KDM4C: variants seen among roughly 807,000 people sequenced by gnomAD.
KDM4C encodes the protein lysine demethylase 4C, also known as lysine-specific demethylase 4C.
In KDM4C, 81 loss-of-function variants were observed where a neutral mutation model predicts 129.3. The ratio of observed to expected loss-of-function variants is 0.63; its 90% CI spans 0.52 to 0.75. KDM4C has a LOEUF of 0.75. KDM4C is among the 30% of genes least tolerant of loss of function. The pLI is 0.00. For synonymous variants in KDM4C, 573 were observed against 456.1 expected (o/e 1.26, Z -3.26); for missense variants, 1,457 against 1,304.0 (o/e 1.12, Z -1.81).
rs1233792504 is a variant in KDM4C at position 7,013,926 on chromosome 9, C to G, written c.2107C>G (p.Pro703Ala). 1.2e-6 allele frequency: 2 copies of G among 1,613,978 alleles called. No homozygotes were observed. The highest frequency in any genetic ancestry group is 1.1e-5 in the South Asian group (1 of 91,074). ...YSEENIEYSPPNAFLEEDGTS... is the reference protein window; with the variant it reads ...YSEENIEYSPANAFLEEDGTS... ...TGAAGAAAATATAGAATATTCTCCACCCAATGCCTTCCTTGAAGAGGATGG... is the reference window on the plus strand; with the variant it reads ...TGAAGAAAATATAGAATATTCTCCAGCCAATGCCTTCCTTGAAGAGGATGG... The change falls in exon 14 of 22, where the codon CCC (proline) becomes GCC (alanine). Residue 703 changes from proline (P) to alanine (A), a missense_variant. By Grantham distance (27) the Pro-to-Ala change is conservative. Transcript: ENST00000381309.
At chr9:6,843,925 A>G (rs1837413697) in intron 4 of KDM4C, among the ~76,000 whole-genome samples, 1 of 151,998 alleles carries the variant, frequency 6.6e-6, no homozygotes, top group Non-Finnish European at 1.5e-5. Context: ...ATCATGACTC[A>G]CTGCAACCTC....
At chr9:6,945,473 T>A (rs1826794192) in intron 8 of KDM4C, among the ~76,000 whole-genome samples, 2 of 152,196 alleles carry the variant, frequency 1.3e-5, no homozygotes, top group Admixed American at 1.3e-4. Context: ...AATGTTTGTA[T>A]CTTGAACTCA....
At chr9:7,070,809 A>C (rs575601901) in intron 17 of KDM4C, among the ~76,000 whole-genome samples, 4 of 152,312 alleles carry the variant, frequency 2.6e-5, no homozygotes, top group Non-Finnish European at 5.9e-5. Context: ...TAATGAATTC[A>C]GTTCCCATCA....
At chr9:6,950,054 T>C (rs1827845273) in intron 8 of KDM4C, among the ~76,000 whole-genome samples, 2 of 144,634 alleles carry the variant, frequency 1.4e-5, no homozygotes, top group Admixed American at 1.4e-4. Context: ...TTTTTTTTTT[T>C]TTTTGGTGGA....
intron 8 of KDM4C, among the ~76,000 whole-genome samples, chr9:6,927,094 TCTATCTATCTATCTATCTA>T (rs1563826628): frequency 3.6e-4 from 28 of 78,850 alleles, no homozygotes; most frequent in Non-Finnish European, 6.4e-4. Flanking sequence ...AAATTTTCTA[TCTATCTATCTATCTATCTA>T]TCTATCTATC....
intron 8 of KDM4C, among the ~76,000 whole-genome samples, chr9:6,939,631 T>C (rs898786414): frequency 6.6e-6 from 1 of 152,160 alleles, no homozygotes; most frequent in Non-Finnish European, 1.5e-5. Context: ...TTTGTTACAG[T>C]GGTTATGGTT....
chr9:7,012,040 T>A (rs1338732154), intron 13 of KDM4C, among the ~76,000 whole-genome samples, 161 bp downstream of exon 13: 1 of 152,202 alleles, frequency 6.6e-6, no homozygotes, highest in South Asian at 2.1e-4. Context: ...AGTTTCTACA[T>A]GATCCTTGAG....
At chr9:7,038,331 C>G (rs1827997465) in intron 15 of KDM4C, among the ~76,000 whole-genome samples, 1 of 152,018 alleles carries the variant, frequency 6.6e-6, no homozygotes, top group Non-Finnish European at 1.5e-5. Context: ...ACTACTTAAG[C>G]TGTTTTGTCA....
rs757869445 is a variant in KDM4C at position 6,792,968 on chromosome 9, C to G, written c.-17-4C>G. The G allele has an allele frequency of 7.4e-6, 12 of 1,613,874 alleles. No homozygotes were observed. In the Admixed American group the frequency reaches 1.7e-4, roughly 22 times the overall value. On this transcript the variant is annotated splice_polypyrimidine_tract_variant and splice_region_variant and intron_variant, in intron 1 of 21. Transcript: ENST00000381309. Reference sequence around the variant, plus strand: ...TTCTGTTGACCCTACTGTCTTCTCTCCAGACACTGCCCTAACCATCATGGA... The same window carrying G: ...TTCTGTTGACCCTACTGTCTTCTCTGCAGACACTGCCCTAACCATCATGGA...
At chr9:6,840,707 A>G (rs1225032165) in intron 4 of KDM4C, among the ~76,000 whole-genome samples, 1 of 152,068 alleles carries the variant, frequency 6.6e-6, no homozygotes, top group Non-Finnish European at 1.5e-5. Context: ...CTCTGTTCTA[A>G]TTTTCAAATA....
intron 5 of KDM4C, among the ~76,000 whole-genome samples, chr9:6,851,583 T>C (rs1474993031): frequency 6.6e-6 from 1 of 152,232 alleles, no homozygotes; most frequent in Non-Finnish European, 1.5e-5. Context: ...TATGTCTTGC[T>C]TAAGAAATCT....
At chr9:7,018,894 T>C (rs1247306692) in intron 15 of KDM4C, among the ~76,000 whole-genome samples, 1 of 152,362 alleles carries the variant, frequency 6.6e-6, no homozygotes. Flanking sequence ...TGTATTTTAA[T>C]ATTGAAACTA....
At chr9:6,792,323 A>G (rs1289642956) in intron 1 of KDM4C, among the ~76,000 whole-genome samples, 1 of 152,152 alleles carries the variant, frequency 6.6e-6, no homozygotes, top group African/African-American at 2.4e-5. Context: ...TGCCTAGGCA[A>G]TATAGCGAGA....
chr9:6,748,295 G>A (rs1406078627), intron 1 of KDM4C, among the ~76,000 whole-genome samples: 1 of 152,080 alleles, frequency 6.6e-6, no homozygotes, highest in East Asian at 1.9e-4. Flanking sequence ...ATCACCTGAG[G>A]TCGGGAGTTC....
chr9:6,795,193 A>C (rs1466032842), intron 2 of KDM4C, among the ~76,000 whole-genome samples: 1 of 152,224 alleles, frequency 6.6e-6, no homozygotes, highest in Non-Finnish European at 1.5e-5. Context: ...ATAGTTGAGG[A>C]GAGAGCTTCC....
chr9:7,012,637 G>A (rs1822916823), intron 13 of KDM4C, among the ~76,000 whole-genome samples: 1 of 152,126 alleles, frequency 6.6e-6, no homozygotes, highest in Non-Finnish European at 1.5e-5. Context: ...AGCTGGCTGT[G>A]CGTGATGTTG....
intron 19 of KDM4C, among the ~76,000 whole-genome samples, chr9:7,133,869 T>G (rs1840906966): frequency 6.6e-6 from 1 of 152,218 alleles, no homozygotes; most frequent in African/African-American, 2.4e-5. Flanking sequence ...TTCTCTACTG[T>G]GGGATCCCGG....
At chr9:7,032,762 G>A (rs1826989023) in intron 15 of KDM4C, among the ~76,000 whole-genome samples, 1 of 152,080 alleles carries the variant, frequency 6.6e-6, no homozygotes, top group African/African-American at 2.4e-5. Flanking sequence ...TTTTTGGAGG[G>A]GAAAGAAGGC....
intron 6 of KDM4C, 22 bp downstream of exon 6, chr9:6,880,083 T>G: frequency 6.6e-7 from 1 of 1,523,586 alleles, no homozygotes; most frequent in Non-Finnish European, 9.0e-7. Context: ...TTTTTAAATT[T>G]GTTTTCTGTG....
Sources: allele counts gnomAD v4.1 joint callset (sites outside exome capture counted in the v4.1 genomes callset), GRCh38; gene constraint gnomAD v4.1.1; transcripts MANE v1.5; gene names NCBI Gene and HGNC (gene_info 2026-07-23, HGNC 2026-07-21).